Variants in CUL7 observed in about 807,000 individuals in gnomAD.
The protein encoded by CUL7 is cullin 7.
Under a neutral mutation model 177.7 loss-of-function variants are expected in CUL7, and 96 were observed. The ratio of observed to expected loss-of-function variants is 0.54; its 90% CI spans 0.46 to 0.64. CUL7 has a LOEUF of 0.64. CUL7 is among the 30% of genes least tolerant of loss of function. The pLI is 0.00. For synonymous variants in CUL7, 824 were observed against 890.2 expected, an observed-to-expected ratio of 0.93 and a Z score of 1.32; for missense variants, 1,893 against 2,187.9, an observed-to-expected ratio of 0.87 and a Z score of 2.69.
At chr6:43,046,768 T>C in intron 10 of CUL7, 112 bp downstream of exon 10, 1 of 1,233,762 alleles carries the variant, frequency 8.1e-7, no homozygotes, top group Non-Finnish European at 1.2e-6. Flanking sequence ...TGCCCCAGGG[T>C]CACTAGAGTC....
Position 43,050,529 on chromosome 6 carries a change from A to C in CUL7, c.1234-131T>G. On this transcript the variant is annotated intron_variant, in intron 4 of 25. Transcript: ENST00000265348. This position sits in a 1 kb window ranked among gnomAD's most constrained non-coding sequence, Gnocchi z 4.1. ...GTTTTAGAAAAACCTCCACATAACAAAACAGCAGCATATGGAGAATACACA... is the reference window on the plus strand; with the variant it reads ...GTTTTAGAAAAACCTCCACATAACACAACAGCAGCATATGGAGAATACACA... 1.3e-6 allele frequency: 1 copy of C among 772,248 alleles called. No individual in the cohort carries two copies. The highest frequency in any genetic ancestry group is 2.2e-6 in the Non-Finnish European group (1 of 452,036). The allele number at this position is 772,248 out of a possible 1,614,324, so 47.8% of individuals were successfully genotyped here. A position where few individuals can be genotyped will look rare whatever the true frequency, so the allele number is the denominator to read the frequency against.
In CUL7 at chr6:43,038,958, A is replaced by G. The variant is rs1045968227; in HGVS notation, c.4324T>C (p.Ser1442Pro). ...CACGTCCACTGCAGTCGCCTCTGTG[A>G]GCCTCGCTCAAGGGCAGGGTGGCTC... ...SQSHPALERG[S>P]QRRLQWTWLG... The change falls in exon 23 of 26, where the codon TCA becomes CCA. Residue 1442 changes from serine to proline, a missense_variant. By Grantham distance (74) the Ser-to-Pro change is moderately conservative (BLOSUM62 -1). This residue lies in a region of CUL7 where 973 missense variants were observed against 1,140.9 expected (regional missense o/e 0.85). Coordinates refer to ENST00000265348, the MANE Select transcript of CUL7 (RefSeq NM_014780.5). 4 of 1,612,990 alleles carry G rather than the reference A, an allele frequency of 2.5e-6. No individual in the cohort carries two copies. The highest frequency in any genetic ancestry group is 3.4e-6 in the Non-Finnish European group (4 of 1,179,020).
rs1763351909 is a variant in CUL7 at position 43,040,854 on chromosome 6, G to A, written c.3806+61C>T. Reference sequence around the variant, plus strand: ...CTATCCCAGACTTCCAGGCCCATGAGCTGGCTCTGCCACCATCATCCTGCC... The same window carrying A: ...CTATCCCAGACTTCCAGGCCCATGAACTGGCTCTGCCACCATCATCCTGCC... On this transcript the variant is annotated intron_variant, in intron 20 of 25. Coordinates refer to ENST00000265348, the MANE Select transcript of CUL7 (RefSeq NM_014780.5). This position sits in a 1 kb window ranked among gnomAD's most constrained non-coding sequence, Gnocchi z 4.2. 21 of 1,602,838 alleles carry A rather than the reference G, an allele frequency of 1.3e-5. 1 individual carries two copies. In the South Asian group the frequency reaches 2.2e-4, roughly 17 times the overall value.
chr6:43,038,152 C>G (rs1581898470), intron 25 of CUL7, 115 bp downstream of exon 25: 1 of 1,491,356 alleles, frequency 6.7e-7, no homozygotes, highest in East Asian at 2.4e-5. Context: ...CCTCACACTC[C>G]TACAGGCTAC....
In CUL7 at chr6:43,046,414, G is replaced by A; in HGVS notation, c.2489-7C>T. ...TTCACTTCCACACTGGAGCCTGGGGGCAAGTGGGAAGGGGTGGTGGTCACG... is the reference window on the plus strand; with the variant it reads ...TTCACTTCCACACTGGAGCCTGGGGACAAGTGGGAAGGGGTGGTGGTCACG... On this transcript the variant is annotated splice_region_variant and splice_polypyrimidine_tract_variant and intron_variant, in intron 11 of 25. Transcript: ENST00000265348. The A allele has an allele frequency of 6.2e-7, 1 of 1,614,212 alleles. No individual in the cohort carries two copies. The highest frequency in any genetic ancestry group is 8.5e-7 in the Non-Finnish European group (1 of 1,180,042).
chr6:43,049,699 T>C, intron 6 of CUL7, 37 bp from the exon 7 acceptor site: 1 of 1,612,174 alleles, frequency 6.2e-7, no homozygotes, highest in African/African-American at 1.3e-5. Flanking sequence ...CAGACAGCCC[T>C]GCCGACCCAG....
In CUL7 at chr6:43,051,406, A is replaced by C; in HGVS notation, c.795T>G (p.Asp265Glu). 1 of 1,614,086 alleles carries C rather than the reference A, an allele frequency of 6.2e-7. No homozygotes were observed. The highest frequency in any genetic ancestry group is 8.5e-7 in the Non-Finnish European group (1 of 1,180,026). Residue 265 changes from aspartate to glutamate, a missense_variant, in exon 4 of 26, where the codon GAT becomes GAG. Coordinates refer to ENST00000265348, the MANE Select transcript of CUL7 (RefSeq NM_014780.5). The surrounding 1 kb of genome is among the most constrained non-coding windows in gnomAD (Gnocchi z 5.0). Reference protein sequence around the residue: ...KRYLHVTSLLDQLNDSAAEPG... With the variant: ...KRYLHVTSLLEQLNDSAAEPG... ...GCTCCGCAGCACTGTCGTTCAGCTG[A>C]TCCAGGAGCGAGGTGACATGCAAAT... is the stretch of plus-strand genomic sequence containing the variant.
chr6:43,048,556 TG>T lies in CUL7; in HGVS notation c.1838del (p.Pro613HisfsTer26). On this transcript the variant is annotated frameshift_variant, in exon 8 of 26. Transcript: ENST00000265348. LOFTEE classifies it high-confidence loss of function. ...DAAKVEAKEP[P>X]SQSPNTPLQR... ...GCAGGGGAGTGTTGGGACTCTGAGA[TG>T]GGGGTTCTTTTGCTACAGGAAGGGG... The T allele has an allele frequency of 1.2e-6, 2 of 1,613,740 alleles. No individual in the cohort carries two copies. Among genetic ancestry groups the T allele is most frequent in the Non-Finnish European group, 8.5e-7 (1 of 1,179,746 alleles).
In CUL7 at chr6:43,052,883, T is replaced by C; in HGVS notation, c.-8-87A>G. 1 of 1,380,124 alleles carries C rather than the reference T, an allele frequency of 7.2e-7. No homozygotes were observed. The highest frequency in any genetic ancestry group is 1.0e-6 in the Non-Finnish European group (1 of 1,004,970). The allele number at this position is 1,380,124 out of a possible 1,614,324, so 85.5% of individuals were successfully genotyped here. ...GATATCCAGGAGGTGGGGAAGCAAA[T>C]GGCAACAGCTGTCAGGCGGGGTGGG... On this transcript the variant is annotated intron_variant, in intron 1 of 25. Coordinates refer to ENST00000265348, the MANE Select transcript of CUL7 (RefSeq NM_014780.5). The surrounding 1 kb of genome is among the most constrained non-coding windows in gnomAD (Gnocchi z 4.5).
At position 43,050,474 on chromosome 6, in the gene CUL7, C is replaced by G; in HGVS notation, c.1234-76G>C. On this transcript the variant is annotated intron_variant, in intron 4 of 25. Coordinates refer to ENST00000265348, the MANE Select transcript of CUL7 (RefSeq NM_014780.5). This position sits in a 1 kb window ranked among gnomAD's most constrained non-coding sequence, Gnocchi z 4.1. The stretch of plus-strand genomic sequence containing the variant: ...ACTGGCTGTGGCCCAGTACTGAGGA[C>G]TATAGCCCTCAGGGTGACCACCTGG... 1 of 1,580,752 alleles carries G rather than the reference C, an allele frequency of 6.3e-7. No homozygotes were observed. The highest frequency in any genetic ancestry group is 8.6e-7 in the Non-Finnish European group (1 of 1,157,184).
chr6:43,043,486 C>T lies in CUL7; in HGVS notation c.3317G>A (p.Cys1106Tyr). 6.2e-7 allele frequency: 1 copy of T among 1,614,086 alleles called. No homozygotes were observed. The highest frequency in any genetic ancestry group is 8.5e-7 in the Non-Finnish European group (1 of 1,179,960). ...GGCCACCACAGGAGGGGGTGCCTCACAGGGCTCGACATGCACCAGCAGGTG... is the reference window on the plus strand; with the variant it reads ...GGCCACCACAGGAGGGGGTGCCTCATAGGGCTCGACATGCACCAGCAGGTG... The part of the protein sequence containing the change: ...LTHLLVHVEP[C>Y]EAPPPVVATP... The change falls in exon 17 of 26, where the codon TGT becomes TAT. Residue 1106 changes from cysteine (C) to tyrosine (Y), a missense_variant. Transcript: ENST00000265348. This position sits in a 1 kb window ranked among gnomAD's most constrained non-coding sequence, Gnocchi z 4.2.
chr6:43,045,485 G>A lies in CUL7; in HGVS notation c.2863-83C>T. The A allele has an allele frequency of 6.2e-7, 1 of 1,613,536 alleles. No individual in the cohort carries two copies. The highest frequency in any genetic ancestry group is 8.5e-7 in the Non-Finnish European group (1 of 1,179,576). On this transcript the variant is annotated intron_variant, in intron 14 of 25. Transcript: ENST00000265348. This position sits in a 1 kb window ranked among gnomAD's most constrained non-coding sequence, Gnocchi z 4.8. Reference sequence around the variant, plus strand: ...AGCTACGCCCTCGAACCTCACCCCTGGAGCTGCTCGAGACCCAGGCTGGTC... The same window carrying A: ...AGCTACGCCCTCGAACCTCACCCCTAGAGCTGCTCGAGACCCAGGCTGGTC...
chr6:43,044,887 TGG>T lies in CUL7; in HGVS notation c.3039-4_3039-3del, dbSNP rs1327782322. The T allele has an allele frequency of 3.1e-6, 5 of 1,612,794 alleles. No individual in the cohort carries two copies. The South Asian group carries it at 5.5e-5, about 18-fold the overall frequency. On this transcript the variant is annotated splice_region_variant and splice_polypyrimidine_tract_variant and intron_variant, in intron 15 of 25. Coordinates refer to ENST00000265348, the MANE Select transcript of CUL7 (RefSeq NM_014780.5). ...TCCTGGCGCAGAGCACCGTTGAGTC[TGG>T]GGGTGAGAATGGAGGAGGAAGGTGT...
rs551117797 is a variant in CUL7 at position 43,053,111 on chromosome 6, C to A, written c.-8-315G>T. 4.4e-4 allele frequency among the ~76,000 whole-genome samples: 67 copies of A among 152,278 alleles called. No homozygotes were observed. The South Asian group carries it at 6.2e-3, about 14-fold the overall frequency. Reference sequence around the variant, plus strand: ...GCAGCCTTGGAGTTACAAGTGAATCCCAAGGCCTTGGAACAGGCAGCAACC... The same window carrying A: ...GCAGCCTTGGAGTTACAAGTGAATCACAAGGCCTTGGAACAGGCAGCAACC... On this transcript the variant is annotated intron_variant, in intron 1 of 25. Coordinates refer to ENST00000265348, the MANE Select transcript of CUL7 (RefSeq NM_014780.5). The surrounding 1 kb of genome is among the most constrained non-coding windows in gnomAD (Gnocchi z 4.1).
In CUL7 at chr6:43,052,367, A is replaced by G; in HGVS notation, c.422T>C (p.Val141Ala). 1 of 1,614,256 alleles carries G rather than the reference A, an allele frequency of 6.2e-7. No homozygotes were observed. ...GCTGGCATAGGCGCTGAGCACGTGG[A>G]CAGTGTGAAGTAGAGGAGCAGGAGG... ...TIPPAPLLHT[V>A]HVLSAYASIE... is the part of the protein sequence containing the mutation. The change falls in exon 2 of 26, where the codon GTC becomes GCC. Residue 141 changes from valine to alanine, a missense_variant. Transcript: ENST00000265348. This position sits in a 1 kb window ranked among gnomAD's most constrained non-coding sequence, Gnocchi z 4.5.
At chr6:43,041,202 T>C in intron 19 of CUL7, 127 bp from the exon 20 acceptor site, 1 of 812,798 alleles carries the variant, frequency 1.2e-6, no homozygotes, top group Non-Finnish European at 2.1e-6. Flanking sequence ...GGTGCTTTCA[T>C]ACAACTATTT....
chr6:43,040,585 A>C lies in CUL7; in HGVS notation c.3968T>G (p.Leu1323Arg). The C allele has an allele frequency of 6.2e-7, 1 of 1,614,144 alleles. No homozygotes were observed. The highest frequency in any genetic ancestry group is 8.5e-7 in the Non-Finnish European group (1 of 1,180,022). Residue 1323 changes from leucine (L) to arginine (R), a missense_variant, in exon 21 of 26, where the codon CTC (leucine) becomes CGC (arginine). Around this residue, in one of 5 missense-constraint regions of CUL7, gnomAD observed 973 missense variants for 1,140.9 expected, o/e 0.85. Transcript: ENST00000265348. This position sits in a 1 kb window ranked among gnomAD's most constrained non-coding sequence, Gnocchi z 4.2. ...ELQRQFHVYQLQQLDQELLKL... is the reference protein window; with the variant it reads ...ELQRQFHVYQRQQLDQELLKL... Reference sequence around the variant, plus strand: ...CAGGAGTTCCTGATCCAGCTGCTGGAGCTGGTAGACGTGGAACTGGCGCTG... The same window carrying C: ...CAGGAGTTCCTGATCCAGCTGCTGGCGCTGGTAGACGTGGAACTGGCGCTG...
intron 7 of CUL7, among the ~76,000 whole-genome samples, chr6:43,048,963 G>A (rs1224082166): frequency 2.0e-5 from 3 of 151,396 alleles, no homozygotes; most frequent in African/African-American, 7.3e-5. Context: ...TAGTAGAGAC[G>A]GGGTTTCACC....
Position 43,051,607 on chromosome 6 carries a change from G to A in CUL7, c.732+5C>T. On this transcript the variant is annotated splice_donor_5th_base_variant and intron_variant, in intron 3 of 25. Coordinates refer to ENST00000265348, the MANE Select transcript of CUL7 (RefSeq NM_014780.5). The surrounding 1 kb of genome is among the most constrained non-coding windows in gnomAD (Gnocchi z 5.0). ...TTCCCCCCACCTTACACCCCCAAAG[G>A]TTACCTGTGGTAGCTGAATGCCCTC... The A allele has an allele frequency of 6.2e-7, 1 of 1,614,102 alleles. No homozygotes were observed. The highest frequency in any genetic ancestry group is 8.5e-7 in the Non-Finnish European group (1 of 1,180,026).
Sources: gnomAD v4.1 joint callset for allele counts (sites outside exome capture counted in the v4.1 genomes callset) on GRCh38, gnomAD v4.1.1 for gene constraint, gnomAD v4.1.1 regional missense constraint, Gnocchi (gnomAD v3.1) non-coding constraint, MANE v1.5 for transcripts, NCBI Gene and HGNC (gene_info 2026-07-23, HGNC 2026-07-21) for gene names.